MDN1: variants seen among roughly 807,000 people sequenced by gnomAD.
The protein encoded by MDN1 is midasin.
In MDN1, 266 loss-of-function variants were observed where a neutral mutation model predicts 669.2. The ratio of observed to expected loss-of-function variants is 0.40; its 90% CI spans 0.36 to 0.44. MDN1 has a LOEUF of 0.44. MDN1 is among the 20% of genes least tolerant of loss of function. The probability of loss-of-function intolerance (pLI) is 1.00; values close to 1 mark genes in which losing one functional copy is unlikely to be tolerated. For synonymous variants in MDN1, 2,385 were observed against 2,457.1 expected (o/e 0.97, Z 0.87); for missense variants, 5,940 against 6,754.0 (o/e 0.88, Z 4.22).
At position 89,680,760 on chromosome 6, in the gene MDN1, C is replaced by CA; in HGVS notation, c.12103-10dup. 1 of 1,612,640 alleles carries CA rather than the reference C, an allele frequency of 6.2e-7. No individual in the cohort carries two copies. On this transcript the variant is annotated splice_polypyrimidine_tract_variant and intron_variant, in intron 73 of 101. Transcript: ENST00000369393. The stretch of plus-strand genomic sequence containing the variant: ...CACTCTGGAATTGTGGCCTGTGAGA[C>CA]AAAAGACAGGTTAGCCTCACTGCCA...
At chr6:89,652,039 G>T (rs1335919842) in intron 95 of MDN1, among the ~76,000 whole-genome samples, 153 bp downstream of exon 95, 1 of 152,212 alleles carries the variant, frequency 6.6e-6, no homozygotes, top group Non-Finnish European at 1.5e-5. Flanking sequence ...CTGATGGACA[G>T]ATCTGTAGGC....
intron 19 of MDN1, among the ~76,000 whole-genome samples, chr6:89,757,130 A>T (rs975295989): frequency 1.3e-5 from 2 of 152,186 alleles, no homozygotes; most frequent in Admixed American, 1.3e-4. Flanking sequence ...AAGAGAGAGG[A>T]TCTAATAAAG....
chr6:89,738,331 G>C lies in MDN1; in HGVS notation c.4718C>G (p.Pro1573Arg). ...RPGLCLGRID[P>R]KGSDIPEVML... ...CACCACCTGCAAACTCTCACCTTTA[G>C]GATCTATTCTGCCCAGACACAATCC... The change falls in exon 33 of 102, where the codon CCT becomes CGT. Residue 1573 changes from proline (P) to arginine (R), a missense_variant. Transcript: ENST00000369393. The C allele has an allele frequency of 1.2e-6, 2 of 1,613,750 alleles. No homozygotes were observed. Among genetic ancestry groups the C allele is most frequent in the African/African-American group, 1.3e-5 (1 of 74,978 alleles).
chr6:89,707,314 T>C, intron 52 of MDN1, 47 bp downstream of exon 52: 1 of 1,317,970 alleles, frequency 7.6e-7, no homozygotes, highest in Non-Finnish European at 1.1e-6. Context: ...AGCAACATTA[T>C]GCAATCAGAT....
chr6:89,671,181 A>G (rs1810727620), intron 82 of MDN1, 101 bp from the exon 83 acceptor site: 1 of 1,296,324 alleles, frequency 7.7e-7, no homozygotes, highest in South Asian at 1.4e-5. Context: ...AACATTGTGA[A>G]TGTACTAAAT....
chr6:89,656,895 G>T, intron 90 of MDN1, 94 bp from the exon 91 acceptor site: 5 of 1,045,946 alleles, frequency 4.8e-6, no homozygotes, highest in Middle Eastern at 2.1e-4. Context: ...TCTCACTGCT[G>T]TCCTTTATTC....
At chr6:89,794,884 T>A in intron 2 of MDN1, 83 bp from the exon 3 acceptor site, 3 of 1,075,578 alleles carry the variant, frequency 2.8e-6, no homozygotes, top group Non-Finnish European at 4.1e-6. Flanking sequence ...TTTATCAGAG[T>A]ATTAAATGCA....
At chr6:89,661,895 C>T (rs539042688) in intron 87 of MDN1, among the ~76,000 whole-genome samples, 192 bp downstream of exon 87, 4 of 152,160 alleles carry the variant, frequency 2.6e-5, no homozygotes, top group Admixed American at 6.5e-5. Flanking sequence ...AACATGTGGA[C>T]TACCCTGTCA....
At chr6:89,815,360 G>A (rs1350669833) in intron 1 of MDN1, 3 of 456,162 alleles carry the variant, frequency 6.6e-6, no homozygotes, top group African/African-American at 4.0e-5. Flanking sequence ...GAAGAGAGTG[G>A]TGAAATGACA....
chr6:89,786,166 C>T (rs560489363), intron 8 of MDN1, among the ~76,000 whole-genome samples: 6 of 151,986 alleles, frequency 3.9e-5, no homozygotes, highest in African/African-American at 9.6e-5. Flanking sequence ...GACTGAGGCA[C>T]GAGAATCGCT....
Position 89,686,894 on chromosome 6 carries a change from G to A in MDN1, c.11572+8C>T. 1 of 1,613,696 alleles carries A rather than the reference G, an allele frequency of 6.2e-7. No homozygotes were observed. ...TAAGTGGGCAGGAAATGTACTGCTA[G>A]GCATTACCTTCCTGTTCTTCTGTTT... On this transcript the variant is annotated splice_region_variant and intron_variant, in intron 69 of 101. Coordinates refer to ENST00000369393, the MANE Select transcript of MDN1 (RefSeq NM_014611.3).
intron 13 of MDN1, among the ~76,000 whole-genome samples, chr6:89,773,438 G>A (rs560589551): frequency 6.6e-6 from 1 of 151,714 alleles, no homozygotes; most frequent in Non-Finnish European, 1.5e-5. Context: ...TACTCGGGAG[G>A]CTGAGGCAGG....
At chr6:89,703,376 G>GC (rs879318026) in intron 53 of MDN1, among the ~76,000 whole-genome samples, 5 of 146,600 alleles carry the variant, frequency 3.4e-5, no homozygotes, top group Non-Finnish European at 7.5e-5. Flanking sequence ...GGAAGGGGGG[G>GC]GGGTCTATCT....
intron 22 of MDN1, 84 bp from the exon 23 acceptor site, chr6:89,751,666 T>C (rs192841504): frequency 4.5e-5 from 63 of 1,408,556 alleles, no homozygotes; most frequent in Non-Finnish European, 5.9e-5. Context: ...CAGCCACTTG[T>C]TGAACAAGCT....
At chr6:89,721,982 G>T (rs770230219) in intron 40 of MDN1, among the ~76,000 whole-genome samples, 1 of 152,146 alleles carries the variant, frequency 6.6e-6, no homozygotes, top group Admixed American at 6.5e-5. Context: ...GAAGGAAACA[G>T]CAGACAAACT....
chr6:89,797,815 T>C, intron 2 of MDN1: 1 of 264,222 alleles, frequency 3.8e-6, no homozygotes, highest in Non-Finnish European at 7.5e-6. Flanking sequence ...CATTAATGAA[T>C]GATGCTCTTA....
chr6:89,704,689 C>A (rs146609577), intron 53 of MDN1, among the ~76,000 whole-genome samples: 7 of 152,226 alleles, frequency 4.6e-5, no homozygotes, highest in South Asian at 2.1e-4. Context: ...TGGGTTCAAG[C>A]GATTCTCCTG....
intron 19 of MDN1, among the ~76,000 whole-genome samples, chr6:89,757,478 A>C (rs1366039062): frequency 1.3e-5 from 2 of 152,226 alleles, no homozygotes; most frequent in Non-Finnish European, 2.9e-5. Context: ...AAAGGGAAAA[A>C]TTCTCCAGTG....
chr6:89,775,128 T>C (rs1818291564), intron 12 of MDN1, among the ~76,000 whole-genome samples: 1 of 152,180 alleles, frequency 6.6e-6, no homozygotes, highest in Non-Finnish European at 1.5e-5. Context: ...TACATCTGAC[T>C]ACAGCCAAAG....
Sources: gnomAD v4.1 joint callset for allele counts (sites outside exome capture counted in the v4.1 genomes callset) on GRCh38, gnomAD v4.1.1 for gene constraint, MANE v1.5 for transcripts, NCBI Gene and HGNC (gene_info 2026-07-23, HGNC 2026-07-21) for gene names.